Variants in GSN observed in about 807,000 individuals in gnomAD.
The protein encoded by GSN is actin-depolymerizing factor.
Under a neutral mutation model 85.7 loss-of-function variants are expected in GSN, and 56 were observed. The ratio of observed to expected loss-of-function variants is 0.65; its 90% CI spans 0.53 to 0.82. The LOEUF (loss-of-function observed/expected upper bound fraction) is 0.82. GSN is among the 40% of genes least tolerant of loss of function. The pLI, the probability that GSN is intolerant of heterozygous loss-of-function variation, is 0.00. For synonymous variants in GSN, 373 were observed against 399.1 expected (o/e 0.93, Z 0.78); for missense variants, 857 against 979.8 (o/e 0.87, Z 1.67).
At chr9:121,272,777 A>G (rs2056163969) in intron 1 of GSN, among the ~76,000 whole-genome samples, 2 of 152,164 alleles carry the variant, frequency 1.3e-5, no homozygotes, top group Non-Finnish European at 2.9e-5. Context: ...TAGTGACTCC[A>G]TTTTACAGAT....
chr9:121,300,588 G>A (rs2059728719), intron 2 of GSN, among the ~76,000 whole-genome samples: 1 of 152,070 alleles, frequency 6.6e-6, no homozygotes, highest in Admixed American at 6.5e-5. Context: ...TCTCCGGCCA[G>A]AGGTGACCTG....
At chr9:121,231,841 G>A (rs2054394792) in intron 5 of GSN, among the ~76,000 whole-genome samples, 1 of 152,090 alleles carries the variant, frequency 6.6e-6, no homozygotes, top group African/African-American at 2.4e-5. Context: ...GCACTTTGGG[G>A]TGCCAAAGCG....
chr9:121,201,771 CGA>C, the GSN span: 1 of 153,050 alleles, frequency 6.5e-6, no homozygotes, highest in Non-Finnish European at 1.5e-5. Context: ...ACTGGCAGGC[CGA>C]GAGGTGCAGA....
chr9:121,272,235 G>A (rs567272844), intron 1 of GSN, among the ~76,000 whole-genome samples: 23 of 152,128 alleles, frequency 1.5e-4, no homozygotes, highest in Non-Finnish European at 3.1e-4. Context: ...GCCTGCTCTC[G>A]TCTGCCCTGC....
intron 6 of GSN, among the ~76,000 whole-genome samples, chr9:121,256,105 G>A (rs957606888): frequency 6.6e-6 from 1 of 152,150 alleles, no homozygotes; most frequent in Non-Finnish European, 1.5e-5. Context: ...AGCCTTTTTA[G>A]AGGAAGATAT....
intron 3 of GSN, 105 bp from the exon 4 acceptor site, chr9:121,302,806 A>G (rs1239230705): frequency 8.9e-7 from 1 of 1,118,514 alleles, no homozygotes; most frequent in Non-Finnish European, 1.4e-6. Context: ...CTCAGCTTCT[A>G]CAGCTAGGTC....
At chr9:121,260,665 A>G (rs891003405) in intron 6 of GSN, among the ~76,000 whole-genome samples, 7 of 152,132 alleles carry the variant, frequency 4.6e-5, no homozygotes, top group Admixed American at 1.3e-4. Context: ...CGATGACACA[A>G]TGGAGACTCA....
At chr9:121,230,315 T>C (rs2054362728) in intron 4 of GSN, among the ~76,000 whole-genome samples, 1 of 152,188 alleles carries the variant, frequency 6.6e-6, no homozygotes, top group African/African-American at 2.4e-5. Flanking sequence ...CTCAGGACGT[T>C]CAATTCCAAA....
upstream of GSN, among the ~76,000 whole-genome samples, chr9:121,266,172 G>A (rs2055195274): frequency 6.6e-6 from 1 of 152,192 alleles, no homozygotes; most frequent in African/African-American, 2.4e-5. Flanking sequence ...CTTAGAATGT[G>A]AACCCTTTTG....
At chr9:121,203,905 G>C (rs568891935), upstream of GSN, among the ~76,000 whole-genome samples, 3 of 152,308 alleles carry the variant, frequency 2.0e-5, no homozygotes, top group East Asian at 3.9e-4. Context: ...TGCAACCCTA[G>C]AGGTCTAGGC....
chr9:121,323,567 A>G (rs1263407549), intron 11 of GSN, among the ~76,000 whole-genome samples: 1 of 151,604 alleles, frequency 6.6e-6, no homozygotes, highest in Non-Finnish European at 1.5e-5. Flanking sequence ...ACGGAGTTTC[A>G]CCATGTTGGG....
At chr9:121,208,402 AAGAG>A (rs1477195284) in intron 1 of GSN, among the ~76,000 whole-genome samples, 1 of 152,198 alleles carries the variant, frequency 6.6e-6, no homozygotes, top group Non-Finnish European at 1.5e-5. Flanking sequence ...TGCTGCAAAC[AAGAG>A]ACTAAAGAAT....
chr9:121,279,864 T>A (rs1471621531), intron 1 of GSN: 3 of 152,166 alleles, frequency 2.0e-5, no homozygotes, highest in Non-Finnish European at 4.4e-5. Context: ...CTTTGGTCTG[T>A]CCCTTGGAAC....
In GSN at chr9:121,220,992, G is replaced by A. The variant is rs2054159062; in HGVS notation, c.-528+10125G>A. Among the ~76,000 whole-genome samples the A allele has an allele frequency of 1.3e-5, 2 of 152,174 alleles. 1 individual carries two copies. Among genetic ancestry groups the A allele is most frequent in the South Asian group, 4.2e-4 (2 of 4,818 alleles). ...TTTGTTGAAATGTCAAAAATTGTGA[G>A]ATCTGGGGCCTCAGGCTTGGGAACA... On this transcript the variant is annotated intron_variant, in intron 4 of 24. Coordinates refer to the GSN transcript ENST00000373823.
At chr9:121,323,826 G>T (rs1468910181) in intron 11 of GSN, among the ~76,000 whole-genome samples, 1 of 151,826 alleles carries the variant, frequency 6.6e-6, no homozygotes, top group Non-Finnish European at 1.5e-5. Context: ...CAGTTATTTT[G>T]TAGAATGTCT....
At chr9:121,231,313 G>T (rs1437426827) in intron 5 of GSN, 2 of 152,172 alleles carry the variant, frequency 1.3e-5, no homozygotes, top group African/African-American at 2.4e-5. Flanking sequence ...GGTGACTTTG[G>T]ATTTCTTTTT....
intron 5 of GSN, 116 bp from the exon 6 acceptor site, chr9:121,312,223 G>A (rs2061229652): frequency 5.5e-6 from 6 of 1,083,910 alleles, no homozygotes; most frequent in Non-Finnish European, 8.5e-6. Context: ...GCCTTCACCT[G>A]GGCAAGTGCA....
intron 6 of GSN, among the ~76,000 whole-genome samples, chr9:121,252,366 A>G (rs1420424571): frequency 2.0e-5 from 3 of 152,178 alleles, no homozygotes; most frequent in Non-Finnish European, 4.4e-5. Flanking sequence ...GTGGTGGATT[A>G]TGAGTTTGGG....
At chr9:121,269,488 A>G (rs988727578) in intron 1 of GSN, among the ~76,000 whole-genome samples, 1 of 152,054 alleles carries the variant, frequency 6.6e-6, no homozygotes, top group Non-Finnish European at 1.5e-5. Flanking sequence ...TCCGTTTACT[A>G]AAGGGACAAG....
Sources: allele counts gnomAD v4.1 joint callset (sites outside exome capture counted in the v4.1 genomes callset), GRCh38; gene constraint gnomAD v4.1.1; transcripts MANE v1.5; gene names NCBI Gene and HGNC (gene_info 2026-07-23, HGNC 2026-07-21).